The following KANSL1L variants were observed in gnomAD, a reference collection of about 807,000 sequenced individuals.
KANSL1L encodes KAT8 regulatory NSL complex subunit 1 like, also known as KAT8 regulatory NSL complex subunit 1-like protein.
Under a neutral mutation model 108.6 loss-of-function variants are expected in KANSL1L, and 25 were observed. The ratio of observed to expected loss-of-function variants is 0.23; its 90% CI spans 0.17 to 0.32. The LOEUF (loss-of-function observed/expected upper bound fraction) is 0.32, where lower values mean the gene tolerates loss of function less well. KANSL1L is among the 10% of genes least tolerant of loss of function. The pLI is 1.00. For synonymous variants in KANSL1L, 405 were observed against 395.1 expected, an observed-to-expected ratio of 1.03 and a Z score of -0.30; for missense variants, 1,137 against 1,125.7, an observed-to-expected ratio of 1.01 and a Z score of -0.14.
At chr2:210,110,139 TA>T (rs1337616880) in intron 3 of KANSL1L, among the ~76,000 whole-genome samples, 2 of 152,164 alleles carry the variant, frequency 1.3e-5, no homozygotes, top group Non-Finnish European at 2.9e-5. Flanking sequence ...CTCTAACCCC[TA>T]TACCTACCTA....
Position 210,028,865 on chromosome 2 carries a change from A to G in KANSL1L, c.2376T>C (p.Tyr792=), listed in dbSNP as rs2093975454. 1.3e-6 allele frequency: 2 copies of G among 1,594,882 alleles called. No individual in the cohort carries two copies. Among genetic ancestry groups the G allele is most frequent in the African/African-American group, 1.3e-5 (1 of 74,520 alleles). Residue 792 remains tyrosine (Y), a synonymous_variant, in exon 11 of 15, where the codon TAT becomes TAC. Transcript: ENST00000281772. The stretch of plus-strand genomic sequence containing the variant: ...CATACCTTGGAGTAAGTATTTCCTT[A>G]TATTGGAGTTTCTCTAATTTAGCTG... ...VAPAKLEKLQ[Y]KEILTPSWRM... is the part of the protein sequence containing the mutation.
chr2:210,073,830 T>A (rs1021148722), intron 6 of KANSL1L, among the ~76,000 whole-genome samples: 1 of 151,968 alleles, frequency 6.6e-6, no homozygotes, highest in Non-Finnish European at 1.5e-5. Context: ...TATTGCCTTT[T>A]AAATATTTTC....
chr2:210,148,375 G>A (rs1202857087), intron 2 of KANSL1L, among the ~76,000 whole-genome samples: 1 of 152,194 alleles, frequency 6.6e-6, no homozygotes, highest in Admixed American at 6.5e-5. Context: ...ACCACCAGAT[G>A]AGAAATAACG....
At chr2:210,054,499 CA>C (rs201870587) in intron 6 of KANSL1L, among the ~76,000 whole-genome samples, 2 of 151,308 alleles carry the variant, frequency 1.3e-5, no homozygotes. Context: ...GGCAATTTGG[CA>C]AAAAAAATTA....
At chr2:210,067,716 CAAAAAAAAAAAAAAA>C (rs569072484) in intron 6 of KANSL1L, among the ~76,000 whole-genome samples, 2 of 92,948 alleles carry the variant, frequency 2.2e-5, no homozygotes, top group African/African-American at 9.2e-5. Flanking sequence ...ACCCTGTCTC[CAAAAAAAAAAAAAAA>C]AAAAAAAAAA....
At position 210,115,370 on chromosome 2, in the gene KANSL1L, A is replaced by G. The variant is rs569404180; in HGVS notation, c.1231-11069T>C. Among the ~76,000 whole-genome samples, 334 of 152,362 alleles carry G rather than the reference A, an allele frequency of 2.2e-3. 1 individual carries two copies. Among genetic ancestry groups the G allele is most frequent in the African/African-American group, 7.8e-3 (323 of 41,594 alleles). ...TTATAAACATTTATGAAACCATGCCACAAAGAGTTAAGAAAACCAGTCTAA... is the reference window on the plus strand; with the variant it reads ...TTATAAACATTTATGAAACCATGCCGCAAAGAGTTAAGAAAACCAGTCTAA... On this transcript the variant is annotated intron_variant, in intron 3 of 14. Transcript: ENST00000281772.
intron 3 of KANSL1L, among the ~76,000 whole-genome samples, chr2:210,124,836 A>G (rs2095051912): frequency 6.6e-6 from 1 of 152,208 alleles, no homozygotes; most frequent in African/African-American, 2.4e-5. Context: ...CTGAATCTAA[A>G]GAAATAAAAC....
At chr2:210,139,447 T>C (rs1218716956) in intron 2 of KANSL1L, among the ~76,000 whole-genome samples, 1 of 152,218 alleles carries the variant, frequency 6.6e-6, no homozygotes, top group Non-Finnish European at 1.5e-5. Flanking sequence ...TTGGGTCATA[T>C]GGTAATTCTA....
chr2:210,044,037 G>C lies in KANSL1L; in HGVS notation c.1823C>G (p.Thr608Ser). Residue 608 changes from threonine to serine, a missense_variant, in exon 7 of 15, where the codon ACT (threonine) becomes AGT (serine). Coordinates refer to ENST00000281772, the MANE Select transcript of KANSL1L (RefSeq NM_152519.4). The surrounding 1 kb of genome is among the most constrained non-coding windows in gnomAD (Gnocchi z 4.2). ...CGAATTGTGTTCATAGCTACTCCAA[G>C]TTGAAGCTGATTGCAGGCAAGGCAT... is the stretch of plus-strand genomic sequence containing the variant. ...TQMPCLQSAS[T>S]WSSYEHNSES... The C allele has an allele frequency of 6.2e-7, 1 of 1,609,392 alleles. No homozygotes were observed. The highest frequency in any genetic ancestry group is 2.2e-5 in the East Asian group (1 of 44,532).
chr2:210,051,504 G>A (rs1482248670), intron 6 of KANSL1L, among the ~76,000 whole-genome samples: 1 of 151,908 alleles, frequency 6.6e-6, no homozygotes, highest in East Asian at 1.9e-4. Flanking sequence ...TTACTAATGT[G>A]GAAAAATAGT....
chr2:210,079,959 C>T (rs1385298446), intron 5 of KANSL1L: 1 of 151,200 alleles, frequency 6.6e-6, no homozygotes, highest in Non-Finnish European at 1.5e-5. Flanking sequence ...CAGGCTTATA[C>T]CTTTCTATAT....
chr2:210,033,268 C>G (rs1022980477), intron 8 of KANSL1L, among the ~76,000 whole-genome samples: 1 of 151,998 alleles, frequency 6.6e-6, no homozygotes, highest in Non-Finnish European at 1.5e-5. Flanking sequence ...ATGATAATAC[C>G]CTGAAAGTTA....
chr2:210,131,380 AGAAG>A (rs1270768582), intron 2 of KANSL1L, among the ~76,000 whole-genome samples: 1 of 152,206 alleles, frequency 6.6e-6, no homozygotes, highest in Non-Finnish European at 1.5e-5. Flanking sequence ...AGTATGGCAT[AGAAG>A]TGAGCTTAGG....
chr2:210,158,248 C>T (rs1434423259), intron 1 of KANSL1L, among the ~76,000 whole-genome samples: 1 of 152,126 alleles, frequency 6.6e-6, no homozygotes, highest in Non-Finnish European at 1.5e-5. Flanking sequence ...CATCTGGCCA[C>T]CCTCTCTTAT....
intron 6 of KANSL1L, among the ~76,000 whole-genome samples, chr2:210,062,242 G>T (rs1226895879): frequency 6.6e-6 from 1 of 152,192 alleles, no homozygotes; most frequent in Non-Finnish European, 1.5e-5. Flanking sequence ...TGTACAAGCT[G>T]TCTTCTCTTG....
rs1467761681 is a variant in KANSL1L at position 210,167,046 on chromosome 2, A to C, written c.-30+4103T>G. 5.9e-5 allele frequency among the ~76,000 whole-genome samples: 9 copies of C among 152,098 alleles called. No homozygotes were observed. In the East Asian group the frequency reaches 1.3e-3, roughly 23 times the overall value. ...CAAAAATTTAAAAATAAATAAATAA[A>C]AAATATATGAGGATTCAAAGTTACT... On this transcript the variant is annotated intron_variant, in intron 1 of 14. Transcript: ENST00000281772.
chr2:210,142,077 TTCCC>T (rs1391436053), intron 2 of KANSL1L, among the ~76,000 whole-genome samples: 2 of 151,990 alleles, frequency 1.3e-5, no homozygotes, highest in East Asian at 1.9e-4. Flanking sequence ...TTTGAAAGTA[TTCCC>T]TCCTCCTCTT....
chr2:210,025,304 C>G (rs2093921176), intron 12 of KANSL1L, 88 bp from the exon 13 acceptor site: 2 of 766,052 alleles, frequency 2.6e-6, no homozygotes, highest in Non-Finnish European at 4.5e-6. Context: ...CGCCTGTAAT[C>G]CCAACACTTT....
rs757794077 is a variant in KANSL1L, at chr2:210,025,246, A to C, written c.2452-30T>G. 11 of 1,313,348 alleles carry C rather than the reference A, an allele frequency of 8.4e-6. No individual in the cohort carries two copies. The South Asian group carries it at 1.3e-4, about 15-fold the overall frequency. 81.4% of individuals were successfully genotyped at this position (1,313,348 alleles called of 1,614,324 possible). ...AATTAGAAATAAAGATTTTTGTTTTAATCAGAAACATTTTGAAATATAAGA... is the reference window on the plus strand; with the variant it reads ...AATTAGAAATAAAGATTTTTGTTTTCATCAGAAACATTTTGAAATATAAGA... On this transcript the variant is annotated intron_variant, in intron 12 of 14. Coordinates refer to ENST00000281772, the MANE Select transcript of KANSL1L (RefSeq NM_152519.4).
Sources: allele counts gnomAD v4.1 joint callset (sites outside exome capture counted in the v4.1 genomes callset), GRCh38; gene constraint gnomAD v4.1.1; non-coding constraint Gnocchi (gnomAD v3.1); transcripts MANE v1.5; gene names NCBI Gene and HGNC (gene_info 2026-07-23, HGNC 2026-07-21).